MAP3K1: variants seen among roughly 807,000 people sequenced by gnomAD.
MAP3K1 encodes the protein mitogen-activated protein kinase kinase kinase 1, also known as MAP/ERK kinase kinase 1.
Under a neutral mutation model 144.2 loss-of-function variants are expected in MAP3K1, and 36 were observed. The ratio of observed to expected loss-of-function variants is 0.25; its 90% CI spans 0.19 to 0.33. The LOEUF (loss-of-function observed/expected upper bound fraction) is 0.33. MAP3K1 is among the 10% of genes least tolerant of loss of function. MAP3K1 has a pLI of 1.00. For missense variants in MAP3K1, 1,650 were observed against 1,881.9 expected (o/e 0.88, Z 2.28); for synonymous variants, 718 against 688.7 (o/e 1.04, Z -0.67).
At position 56,875,186 on chromosome 5, in the gene MAP3K1, C is replaced by A. The variant is rs753677752; in HGVS notation, c.1841C>A (p.Pro614Gln). 2 of 1,614,098 alleles carry A rather than the reference C, an allele frequency of 1.2e-6. No individual in the cohort carries two copies. Among genetic ancestry groups the A allele is most frequent in the South Asian group, 2.2e-5 (2 of 91,086 alleles). The stretch of plus-strand genomic sequence containing the variant: ...TCTGGGGGCAGCAGTGGAAGCAGCC[C>A]GAGTGGGGGAGCCACCAGTGGGTCT... The part of the protein sequence containing the change: ...GNSGGSSGSS[P>Q]SGGATSGSSQ... The change falls in exon 10 of 20, where the codon CCG becomes CAG. Residue 614 changes from proline (P) to glutamine (Q), a missense_variant. Around this residue, in one of 6 missense-constraint regions of MAP3K1, gnomAD observed 841 missense variants for 886.5 expected, o/e 0.95. Transcript: ENST00000399503.
intron 1 of MAP3K1, among the ~76,000 whole-genome samples, chr5:56,817,772 A>G (rs1746023158): frequency 6.6e-6 from 1 of 152,248 alleles, no homozygotes. Flanking sequence ...GATACAATAA[A>G]TAATTTAGCA....
chr5:56,871,849 G>A, intron 6 of MAP3K1, 61 bp from the exon 7 acceptor site: 2 of 1,528,546 alleles, frequency 1.3e-6, no homozygotes, highest in Admixed American at 1.7e-5. Flanking sequence ...AGTGTTTTTA[G>A]CATATCCGTT....
chr5:56,859,815 C>T lies in MAP3K1; in HGVS notation c.734C>T (p.Ser245Phe), dbSNP rs144126211. The T allele has an allele frequency of 8.1e-6, 13 of 1,614,000 alleles. No homozygotes were observed. The African/African-American group carries it at 1.1e-4, about 13-fold the overall frequency. ...EVQASAASPA[S>F]KGRRSPSPGN... ...CAGGCAAGTGCGGCTTCACCAGCTT[C>T]CAAAGGCCGACGCAGTCCTTCTCCT... Residue 245 changes from serine (S) to phenylalanine (F), a missense_variant, in exon 3 of 20, where the codon TCC (serine) becomes TTC (phenylalanine). This residue lies in a region of MAP3K1 where 148 missense variants were observed against 177.2 expected (regional missense o/e 0.84). Coordinates refer to ENST00000399503, the MANE Select transcript of MAP3K1 (RefSeq NM_005921.2).
At chr5:56,859,581 GA>G (rs1262834607) in intron 2 of MAP3K1, 133 bp from the exon 3 acceptor site, 1 of 642,798 alleles carries the variant, frequency 1.6e-6, no homozygotes, top group Admixed American at 2.9e-5. Flanking sequence ...AATAAAAGTT[GA>G]TATATTGTCT....
At chr5:56,867,046 C>T (rs1227957331) in intron 6 of MAP3K1, among the ~76,000 whole-genome samples, 1 of 152,138 alleles carries the variant, frequency 6.6e-6, no homozygotes, top group Non-Finnish European at 1.5e-5. Context: ...ATTTCTCCAG[C>T]CTCCTGAACT....
intron 11 of MAP3K1, among the ~76,000 whole-genome samples, chr5:56,880,052 G>A (rs536877390): frequency 1.4e-4 from 21 of 152,260 alleles, no homozygotes; most frequent in African/African-American, 4.8e-4. Flanking sequence ...AATATTGGAT[G>A]TTTCCTTGTT....
intron 6 of MAP3K1, among the ~76,000 whole-genome samples, chr5:56,871,119 C>T (rs890733491): frequency 2.0e-5 from 3 of 152,026 alleles, no homozygotes; most frequent in Admixed American, 6.6e-5. Flanking sequence ...CAAGTATATG[C>T]AATATAATTA....
In MAP3K1 at chr5:56,895,919, A is replaced by T. The variant is rs1219915964; in HGVS notation, c.*2239A>T. On this transcript the variant is annotated 3_prime_UTR_variant, in exon 20 of 20. Transcript: ENST00000399503. ...TTGCTGTGTGACTATGATTCCTAAG[A>T]TTTCCAGGGCTTAAGGGCTAACTTC... is the stretch of plus-strand genomic sequence containing the variant. 2 of 221,012 alleles carry T rather than the reference A, an allele frequency of 9.0e-6. No individual in the cohort carries two copies. The highest frequency in any genetic ancestry group is 1.8e-5 in the Non-Finnish European group (2 of 113,536). The allele number at this position is 221,012 out of a possible 1,614,324, so 13.7% of individuals were successfully genotyped here.
intron 3 of MAP3K1, among the ~76,000 whole-genome samples, chr5:56,864,021 A>T (rs1276130473): frequency 6.6e-6 from 1 of 152,212 alleles, no homozygotes; most frequent in African/African-American, 2.4e-5. Context: ...GTTAAAGAAG[A>T]TTAATAAAGC....
intron 3 of MAP3K1, among the ~76,000 whole-genome samples, chr5:56,862,722 G>GGTA (rs1348931107): frequency 1.3e-5 from 2 of 152,170 alleles, no homozygotes; most frequent in East Asian, 3.9e-4. Flanking sequence ...TCCATAGGCT[G>GGTA]GATACCTAGC....
intron 19 of MAP3K1, among the ~76,000 whole-genome samples, chr5:56,891,153 C>A (rs868194048): frequency 0.011 from 1,435 of 128,442 alleles, 57 homozygotes; most frequent in African/African-American, 0.039. Flanking sequence ...CACACACCCC[C>A]CCCCCCCACA....
chr5:56,887,275 C>T (rs537812470), intron 17 of MAP3K1, 103 bp from the exon 18 acceptor site: 23 of 1,123,174 alleles, frequency 2.0e-5, no homozygotes, highest in Non-Finnish European at 3.1e-5. Context: ...TAGTTCACTT[C>T]TTTCTTTTGT....
At chr5:56,843,853 G>A (rs1561173733) in intron 1 of MAP3K1, among the ~76,000 whole-genome samples, 3 of 152,084 alleles carry the variant, frequency 2.0e-5, no homozygotes, top group Non-Finnish European at 4.4e-5. Flanking sequence ...AAGATTCCTG[G>A]TGTTAGTTTT....
chr5:56,828,550 AATC>A (rs1746387522), intron 1 of MAP3K1, among the ~76,000 whole-genome samples: 1 of 152,246 alleles, frequency 6.6e-6, no homozygotes. Flanking sequence ...AGAAAAAAGA[AATC>A]ATGTTTGTCA....
Position 56,815,891 on chromosome 5 carries a change from G to A in MAP3K1, c.318G>A (p.Gln106=). The part of the protein sequence containing the change: ...ADAAGSGTGF[Q]PVAVPPPHGA... ...CAGCGGGGAGTGGGACCGGCTTCCA[G>A]CCTGTGGCGGTGCCGCCGCCCCACG... Residue 106 remains glutamine (Q), a synonymous_variant, in exon 1 of 20, where the codon CAG becomes CAA. Transcript: ENST00000399503. 6.8e-6 allele frequency: 9 copies of A among 1,322,582 alleles called. No individual in the cohort carries two copies. The highest frequency in any genetic ancestry group is 2.9e-4 in the Middle Eastern group (1 of 3,504). The allele number at this position is 1,322,582 out of a possible 1,614,324, so 81.9% of individuals were successfully genotyped here.
rs1369277708 is a variant in MAP3K1 at position 56,895,701 on chromosome 5, G to GA, written c.*2022dup. On this transcript the variant is annotated 3_prime_UTR_variant, in exon 20 of 20. Coordinates refer to ENST00000399503, the MANE Select transcript of MAP3K1 (RefSeq NM_005921.2). Reference sequence around the variant, plus strand: ...TTTGTTTTGTTTTCAATGCAAATGTGATGTAATATTCTTATTTTCTTTGGA... The same window carrying GA: ...TTTGTTTTGTTTTCAATGCAAATGTGAATGTAATATTCTTATTTTCTTTGGA... The GA allele has an allele frequency of 4.3e-6, 1 of 232,150 alleles. No individual in the cohort carries two copies. Among genetic ancestry groups the GA allele is most frequent in the African/African-American group, 2.2e-5 (1 of 45,288 alleles). 14.4% of individuals were successfully genotyped at this position (232,150 alleles called of 1,614,324 possible).
intron 1 of MAP3K1, among the ~76,000 whole-genome samples, chr5:56,836,076 A>G (rs1023850336): frequency 4.6e-5 from 7 of 152,188 alleles, no homozygotes; most frequent in African/African-American, 1.7e-4. Flanking sequence ...TATTCTAACA[A>G]AAACGTGTTT....
At chr5:56,851,102 A>G (rs924507673) in intron 1 of MAP3K1, among the ~76,000 whole-genome samples, 1 of 111,526 alleles carries the variant, frequency 9.0e-6, no homozygotes, top group African/African-American at 2.9e-5. Context: ...ATGCGCCACT[A>G]TGCCCGGCTA....
chr5:56,886,052 G>A lies in MAP3K1; in HGVS notation c.4103G>A (p.Arg1368Lys), dbSNP rs2111958517. 1 of 1,612,260 alleles carries A rather than the reference G, an allele frequency of 6.2e-7. No homozygotes were observed. The highest frequency in any genetic ancestry group is 8.5e-7 in the Non-Finnish European group (1 of 1,178,442). The change falls in exon 17 of 20, where the codon AGA becomes AAA. Residue 1368 changes from arginine (R) to lysine (K), a missense_variant. Coordinates refer to ENST00000399503, the MANE Select transcript of MAP3K1 (RefSeq NM_005921.2). The part of the protein sequence containing the change: ...SYLHENQIIH[R>K]DVKGANLLID... Reference sequence around the variant, plus strand: ...CTCCATGAAAACCAAATCATTCACAGAGATGTCAAAGGTGAGAATTCTTCT... The same window carrying A: ...CTCCATGAAAACCAAATCATTCACAAAGATGTCAAAGGTGAGAATTCTTCT...
Sources: allele counts gnomAD v4.1 joint callset (sites outside exome capture counted in the v4.1 genomes callset), GRCh38; gene constraint gnomAD v4.1.1; regional missense constraint gnomAD v4.1.1; transcripts MANE v1.5; gene names NCBI Gene and HGNC (gene_info 2026-07-23, HGNC 2026-07-21).